SGF29: variants seen among roughly 807,000 people sequenced by gnomAD.
SGF29 encodes SAGA-associated factor 29.
Under a neutral mutation model 38.1 loss-of-function variants are expected in SGF29, and 15 were observed. That is an observed-to-expected ratio of 0.39 (90% CI 0.26 to 0.61). SGF29 has a LOEUF of 0.61. Ranked by LOEUF, SGF29 falls within the 20% of genes least tolerant of loss-of-function variation. The pLI, the probability that SGF29 is intolerant of heterozygous loss-of-function variation, is 0.49. For synonymous variants in SGF29, 151 were observed against 160.8 expected (o/e 0.94, Z 0.46); for missense variants, 184 against 394.6 (o/e 0.47, Z 4.52).
chr16:28,581,031 C>T, intron 1 of SGF29, 24 bp from the exon 2 acceptor site: 3 of 1,573,846 alleles, frequency 1.9e-6, no homozygotes, highest in Non-Finnish European at 2.6e-6. Context: ...ACAGAGTTCT[C>T]TTCTGTCCTC....
chr16:28,588,866 C>T (rs968107171), intron 4 of SGF29, among the ~76,000 whole-genome samples: 6 of 139,516 alleles, frequency 4.3e-5, no homozygotes, highest in South Asian at 4.4e-4. Context: ...CCACCACACC[C>T]GGGCAGATTT....
chr16:28,582,021 T>G (rs1433907862), intron 2 of SGF29, among the ~76,000 whole-genome samples: 1 of 152,134 alleles, frequency 6.6e-6, no homozygotes, highest in African/African-American at 2.4e-5. Flanking sequence ...CTATCGGGCA[T>G]GCTCTGCCAC....
chr16:28,582,810 T>A (rs918023179), intron 2 of SGF29, among the ~76,000 whole-genome samples: 2 of 152,002 alleles, frequency 1.3e-5, no homozygotes, highest in Middle Eastern at 3.4e-3. Context: ...TGGTACATGC[T>A]TGTAATCCCA....
At chr16:28,583,638 A>G (rs546231927) in intron 2 of SGF29, among the ~76,000 whole-genome samples, 1 of 152,304 alleles carries the variant, frequency 6.6e-6, no homozygotes, top group Admixed American at 6.5e-5. Context: ...TGCTCCCAGG[A>G]TGACTGATAT....
At chr16:28,585,396 TGTGA>T (rs1197213446) in intron 3 of SGF29, 1 of 571,944 alleles carries the variant, frequency 1.7e-6, no homozygotes, top group African/African-American at 1.9e-5. Context: ...AAATATTTTC[TGTGA>T]GTGTCATGAT....
At chr16:28,554,566 TC>T (rs2046734887) in intron 1 of SGF29, among the ~76,000 whole-genome samples, 1 of 151,998 alleles carries the variant, frequency 6.6e-6, no homozygotes, top group Non-Finnish European at 1.5e-5. Context: ...CGCCTCGGCC[TC>T]CCAAAGTGTG....
chr16:28,558,903 G>A (rs1327405117), intron 1 of SGF29, among the ~76,000 whole-genome samples: 2 of 152,178 alleles, frequency 1.3e-5, no homozygotes, highest in Non-Finnish European at 2.9e-5. Context: ...AGAAGGGGGT[G>A]GGGAATGACT....
intron 1 of SGF29, among the ~76,000 whole-genome samples, chr16:28,569,918 A>G (rs1457458440): frequency 2.6e-5 from 4 of 152,314 alleles, no homozygotes; most frequent in South Asian, 2.1e-4. Context: ...CAGCATCCAC[A>G]TGGCGCTGTC....
At chr16:28,570,172 A>T (rs1451768515) in intron 1 of SGF29, among the ~76,000 whole-genome samples, 1 of 152,228 alleles carries the variant, frequency 6.6e-6, no homozygotes, top group African/African-American at 2.4e-5. Flanking sequence ...TGCAACTCCA[A>T]CAAGTGAGGG....
Position 28,562,903 on chromosome 16 carries a change from CAAAAAAAAAAAAA to C in SGF29, c.-16+8818_-16+8830del, listed in dbSNP as rs753973229. On this transcript the variant is annotated intron_variant, in intron 1 of 9. Coordinates refer to ENST00000317058, the MANE Select transcript of SGF29 (RefSeq NM_138414.3). ...TGGGTGACAGAGTGAGACCCTGTCT[CAAAAAAAAAAAAA>C]AAAAAAAAAAAGACTTAGTTCTTCT... 3.9e-5 allele frequency among the ~76,000 whole-genome samples: 2 copies of C among 50,892 alleles called. 1 individual carries two copies. The highest frequency in any genetic ancestry group is 7.1e-5 in the Non-Finnish European group (2 of 28,268). 33.4% of individuals were successfully genotyped at this position (50,892 alleles called of 152,430 possible).
intron 4 of SGF29, among the ~76,000 whole-genome samples, chr16:28,587,121 C>T (rs2046959893): frequency 6.6e-6 from 1 of 152,204 alleles, no homozygotes; most frequent in Non-Finnish European, 1.5e-5. Flanking sequence ...GCTGGGATTA[C>T]AGGTGTGAGC....
At chr16:28,572,002 C>T (rs1394800477) in intron 1 of SGF29, among the ~76,000 whole-genome samples, 4 of 152,162 alleles carry the variant, frequency 2.6e-5, no homozygotes, top group African/African-American at 7.2e-5. Context: ...TTTTTTGAGA[C>T]GGAGTCTCGC....
chr16:28,571,482 A>G (rs968020481), intron 1 of SGF29, among the ~76,000 whole-genome samples: 2 of 151,930 alleles, frequency 1.3e-5, no homozygotes, highest in South Asian at 4.2e-4. Context: ...AATCCCAGCT[A>G]CTTGGGAGGT....
At chr16:28,570,581 T>C (rs1016648312) in intron 1 of SGF29, among the ~76,000 whole-genome samples, 2 of 136,578 alleles carry the variant, frequency 1.5e-5, no homozygotes, top group African/African-American at 2.6e-5. Flanking sequence ...TATTTATTTA[T>C]TTATTTATTT....
At chr16:28,567,722 T>C (rs189016260) in intron 1 of SGF29, among the ~76,000 whole-genome samples, 1 of 152,268 alleles carries the variant, frequency 6.6e-6, no homozygotes, top group East Asian at 1.9e-4. Flanking sequence ...GGTGGAAATA[T>C]GGATGGTAAA....
At chr16:28,555,310 A>T (rs1390098798) in intron 1 of SGF29, among the ~76,000 whole-genome samples, 15 of 152,114 alleles carry the variant, frequency 9.9e-5, no homozygotes. Flanking sequence ...CTAAAAAAAA[A>T]AAAAAAAATT....
intron 2 of SGF29, among the ~76,000 whole-genome samples, chr16:28,582,633 A>C (rs1309077718): frequency 1.3e-5 from 2 of 152,210 alleles, no homozygotes; most frequent in African/African-American, 2.4e-5. Flanking sequence ...GTTTATCAAT[A>C]AAATACATTG....
intron 1 of SGF29, among the ~76,000 whole-genome samples, chr16:28,564,605 GTATA>G (rs1229937671): frequency 1.9e-5 from 2 of 107,866 alleles, no homozygotes; most frequent in East Asian, 2.3e-4. Flanking sequence ...ACATATATGT[GTATA>G]TATATACATA....
chr16:28,575,205 C>T (rs1179785334), intron 1 of SGF29, among the ~76,000 whole-genome samples: 1 of 152,156 alleles, frequency 6.6e-6, no homozygotes, highest in African/African-American at 2.4e-5. Context: ...GCTTCTGTTC[C>T]TAGGTCTCTA....
Sources: gnomAD v4.1 joint callset for allele counts (sites outside exome capture counted in the v4.1 genomes callset) on GRCh38, gnomAD v4.1.1 for gene constraint, MANE v1.5 for transcripts, NCBI Gene and HGNC (gene_info 2026-07-23, HGNC 2026-07-21) for gene names.